STK39: variants seen among roughly 807,000 people sequenced by gnomAD.
STK39 encodes STE20/SPS1-related proline-alanine-rich protein kinase.
Under a neutral mutation model 77.8 loss-of-function variants are expected in STK39, and 20 were observed. That is an observed-to-expected ratio of 0.26 (90% CI 0.18 to 0.37). The LOEUF is 0.37. STK39 is among the 10% of genes least tolerant of loss of function. The pLI is 1.00. For missense variants in STK39, 479 were observed against 656.5 expected (o/e 0.73, Z 2.95); for synonymous variants, 246 against 234.1 (o/e 1.05, Z -0.47).
At chr2:168,068,661 G>C (rs191022802) in intron 12 of STK39, among the ~76,000 whole-genome samples, 4 of 152,306 alleles carry the variant, frequency 2.6e-5, no homozygotes, top group Admixed American at 2.6e-4. Context: ...TTCATTTTCA[G>C]ATATATTGCA....
chr2:168,149,954 C>G (rs1311047117), intron 5 of STK39, among the ~76,000 whole-genome samples: 1 of 152,156 alleles, frequency 6.6e-6, no homozygotes, highest in East Asian at 1.9e-4. Flanking sequence ...GTTCGACATC[C>G]TAGTCTAGAC....
At chr2:168,243,882 T>C (rs1690834852) in intron 1 of STK39, among the ~76,000 whole-genome samples, 5 of 152,168 alleles carry the variant, frequency 3.3e-5, no homozygotes. Context: ...CTTCTAAAGG[T>C]AGGGGTACCT....
At chr2:168,161,300 A>T in intron 5 of STK39, among the ~76,000 whole-genome samples, 1 of 152,228 alleles carries the variant, frequency 6.6e-6, no homozygotes, top group East Asian at 1.9e-4. Flanking sequence ...CATTCATTGC[A>T]TCCCCAGCCT....
chr2:168,045,529 A>T (rs956795727), intron 14 of STK39, among the ~76,000 whole-genome samples: 2 of 152,178 alleles, frequency 1.3e-5, no homozygotes, highest in Non-Finnish European at 2.9e-5. Context: ...ATTTTCTTAA[A>T]CCAAAATATA....
In STK39 at chr2:168,199,832, A is replaced by AG. The variant is rs397806032; in HGVS notation, c.209-17743_209-17742insC. On this transcript the variant is annotated intron_variant, in intron 1 of 17. Coordinates refer to ENST00000355999, the MANE Select transcript of STK39 (RefSeq NM_013233.3). ...CTGGCCATATTTTAACATTTATATC[A>AG]TGCAGATTTTCACATCTTTTGGCAA... Among the ~76,000 whole-genome samples the AG allele has an allele frequency of 3.1e-4, 16 of 52,054 alleles. No individual in the cohort carries two copies. In the Admixed American group the frequency reaches 3.1e-3, roughly 10 times the overall value. 34.1% of individuals were successfully genotyped at this position (52,054 alleles called of 152,430 possible). A position where few individuals can be genotyped will look rare whatever the true frequency, so the allele number is the denominator to read the frequency against.
chr2:168,116,234 A>G (rs1687254989), intron 10 of STK39, among the ~76,000 whole-genome samples: 1 of 152,176 alleles, frequency 6.6e-6, no homozygotes, highest in Admixed American at 6.5e-5. Flanking sequence ...GGCCTTTTCA[A>G]TCTGGGTTAA....
chr2:168,081,241 G>A (rs1559087693), intron 10 of STK39, among the ~76,000 whole-genome samples: 1 of 152,168 alleles, frequency 6.6e-6, no homozygotes, highest in Non-Finnish European at 1.5e-5. Context: ...CAGCTGGGAG[G>A]GAGGCTGTAC....
In STK39 at chr2:167,983,278, G is replaced by A. The variant is rs763586226; in HGVS notation, c.1499-18552C>T. 3.8e-4 allele frequency among the ~76,000 whole-genome samples: 57 copies of A among 151,886 alleles called. 1 individual carries two copies. The highest frequency in any genetic ancestry group is 3.8e-4 in the Non-Finnish European group (26 of 67,964). On this transcript the variant is annotated intron_variant, in intron 16 of 17. Coordinates refer to ENST00000355999, the MANE Select transcript of STK39 (RefSeq NM_013233.3). Reference sequence around the variant, plus strand: ...GTGGATCACCTGAGGTCAGAAGCTCGAGACCAGCTTGACCAAGATGGTGAA... The same window carrying A: ...GTGGATCACCTGAGGTCAGAAGCTCAAGACCAGCTTGACCAAGATGGTGAA...
intron 16 of STK39, 94 bp downstream of exon 16, chr2:168,012,538 CAG>C: frequency 3.3e-6 from 3 of 896,196 alleles, no homozygotes; most frequent in Non-Finnish European, 5.2e-6. Context: ...TTCAAATATT[CAG>C]AGTGAATTAT....
chr2:167,970,787 T>TGAGTGTTCA (rs1416887336), intron 16 of STK39, among the ~76,000 whole-genome samples: 4 of 152,242 alleles, frequency 2.6e-5, no homozygotes, highest in African/African-American at 9.6e-5. Context: ...CATACACTGC[T>TGAGTGTTCA]GAGTGTTCAA....
chr2:167,955,394 G>A lies in STK39; in HGVS notation c.*102C>T, dbSNP rs1378667546. ...AATCTTCTGATTTTGCTAGGAAATG[G>A]GAGTGAGGGGGTGGGAGGAAATGGG... On this transcript the variant is annotated 3_prime_UTR_variant, in exon 18 of 18. Transcript: ENST00000355999. 4.5e-6 allele frequency: 5 copies of A among 1,103,478 alleles called. No homozygotes were observed. The highest frequency in any genetic ancestry group is 6.6e-6 in the Non-Finnish European group (5 of 760,550). 68.4% of individuals were successfully genotyped at this position (1,103,478 alleles called of 1,614,324 possible).
intron 1 of STK39, among the ~76,000 whole-genome samples, chr2:168,223,651 G>T (rs1690233532): frequency 6.6e-6 from 1 of 152,120 alleles, no homozygotes; most frequent in Admixed American, 6.6e-5. Context: ...GCCAAGACTA[G>T]GTTCAGATCC....
At chr2:168,114,911 C>T (rs934456776) in intron 10 of STK39, among the ~76,000 whole-genome samples, 1 of 152,174 alleles carries the variant, frequency 6.6e-6, no homozygotes, top group African/African-American at 2.4e-5. Context: ...GGGCAAAACA[C>T]CTTGTAACAC....
intron 14 of STK39, among the ~76,000 whole-genome samples, chr2:168,030,248 A>C (rs1490934074): frequency 6.6e-6 from 1 of 152,070 alleles, no homozygotes; most frequent in Non-Finnish European, 1.5e-5. Flanking sequence ...TCAAAATAAT[A>C]ATAATAATCT....
At chr2:167,989,159 T>A (rs1303319949) in intron 16 of STK39, among the ~76,000 whole-genome samples, 3 of 152,196 alleles carry the variant, frequency 2.0e-5, no homozygotes, top group Non-Finnish European at 4.4e-5. Context: ...GGCTTTAAGC[T>A]CATTCCCAGT....
At chr2:168,086,450 C>T (rs1293802345) in intron 10 of STK39, among the ~76,000 whole-genome samples, 1 of 152,184 alleles carries the variant, frequency 6.6e-6, no homozygotes, top group Non-Finnish European at 1.5e-5. Context: ...CAGTGATTCC[C>T]ATTAACATTT....
In STK39 at chr2:168,046,346, C is replaced by A. The variant is rs1202573447; in HGVS notation, c.1376+17154G>T. Among the ~76,000 whole-genome samples, 9 of 152,290 alleles carry A rather than the reference C, an allele frequency of 5.9e-5. 1 individual carries two copies. In the South Asian group the frequency reaches 1.2e-3, roughly 21 times the overall value. ...GTGCCACTGCACTCCAGCCTGGCAACAGAGGGAGACTCCTTCATCTCAAAA... is the reference window on the plus strand; with the variant it reads ...GTGCCACTGCACTCCAGCCTGGCAAAAGAGGGAGACTCCTTCATCTCAAAA... On this transcript the variant is annotated intron_variant, in intron 14 of 17. Transcript: ENST00000355999.
intron 12 of STK39, among the ~76,000 whole-genome samples, chr2:168,071,869 CAAAAA>C (rs201293469): frequency 9.5e-6 from 1 of 105,482 alleles, no homozygotes; most frequent in Admixed American, 9.3e-5. Context: ...GACTCCATCT[CAAAAA>C]AAAAAAAAAA....
chr2:167,989,867 T>C (rs1053739406), intron 16 of STK39, among the ~76,000 whole-genome samples: 2 of 151,106 alleles, frequency 1.3e-5, no homozygotes, highest in Non-Finnish European at 3.0e-5. Context: ...TGATAAGCAG[T>C]AAAAAAAAAT....
Sources: gnomAD v4.1 joint callset for allele counts (sites outside exome capture counted in the v4.1 genomes callset) on GRCh38, gnomAD v4.1.1 for gene constraint, MANE v1.5 for transcripts, NCBI Gene and HGNC (gene_info 2026-07-23, HGNC 2026-07-21) for gene names.